Variants in C8orf34 observed in about 807,000 individuals in gnomAD.
The protein encoded by C8orf34 is chromosome 8 open reading frame 34.
C8orf34 carries 65 observed loss-of-function variants against 68.3 expected under a neutral mutation model. The ratio of observed to expected loss-of-function variants is 0.95; its 90% CI spans 0.78 to 1.17. C8orf34 has a LOEUF of 1.17. C8orf34 is among the 50% of genes most tolerant of loss of function. The pLI is 0.00. For synonymous variants in C8orf34, 244 were observed against 241.2 expected (o/e 1.01, Z -0.11); for missense variants, 664 against 655.4 (o/e 1.01, Z -0.14).
chr8:68,534,135 C>A (rs1815366009), intron 7 of C8orf34: 1 of 984,556 alleles, frequency 1.0e-6, no homozygotes, highest in African/African-American at 1.7e-5. Flanking sequence ...TATTGCTTAT[C>A]ATTTTTGCAT....
chr8:68,473,548 C>T (rs1386196510), intron 4 of C8orf34, among the ~76,000 whole-genome samples: 1 of 152,156 alleles, frequency 6.6e-6, no homozygotes, highest in African/African-American at 2.4e-5. Flanking sequence ...ATGCAAGCTT[C>T]CAGGTTGCTT....
At chr8:68,376,147 G>A (rs1807783967) in intron 1 of C8orf34, among the ~76,000 whole-genome samples, 1 of 143,408 alleles carries the variant, frequency 7.0e-6, no homozygotes, top group South Asian at 2.1e-4. Context: ...TATGAGTGAA[G>A]GAAGGAATAA....
Position 68,548,791 on chromosome 8 carries a change from T to C in C8orf34, c.1105+15642T>C, listed in dbSNP as rs187356945. 6.7e-4 allele frequency among the ~76,000 whole-genome samples: 102 copies of C among 151,924 alleles called. 1 individual carries two copies. The highest frequency in any genetic ancestry group is 3.8e-3 in the Admixed American group (58 of 15,226). ...ACAAATGTCAATCATCAGGAGAATATGTAAACAAATTGTTGTATATTCATA... is the reference window on the plus strand; with the variant it reads ...ACAAATGTCAATCATCAGGAGAATACGTAAACAAATTGTTGTATATTCATA... On this transcript the variant is annotated intron_variant, in intron 7 of 13. Transcript: ENST00000518698.
intron 8 of C8orf34, among the ~76,000 whole-genome samples, chr8:68,667,515 A>G (rs1192969216): frequency 6.6e-6 from 1 of 152,192 alleles, no homozygotes; most frequent in African/African-American, 2.4e-5. Context: ...AAATTCAATC[A>G]ATATTTTTTG....
rs555284319 is a variant in C8orf34 at position 68,414,114 on chromosome 8, A to G, written c.328-25385A>G. Among the ~76,000 whole-genome samples the G allele has an allele frequency of 2.0e-5, 3 of 152,262 alleles. No individual in the cohort carries two copies. The East Asian group carries it at 5.8e-4, about 29-fold the overall frequency. On this transcript the variant is annotated intron_variant, in intron 1 of 13. Transcript: ENST00000518698. ...TTTTTACCTTGAGGCCTCAGATTAA[A>G]TATCACCCCCTCAGAGATGCTATCT...
Position 68,596,746 on chromosome 8 carries a change from G to A in C8orf34, c.1106-43630G>A, listed in dbSNP as rs145688526. ...AAACCTGCACAACTTTTGTCATGGAGGTAGACATTATCTCCAAACAATCCT... is the reference window on the plus strand; with the variant it reads ...AAACCTGCACAACTTTTGTCATGGAAGTAGACATTATCTCCAAACAATCCT... On this transcript the variant is annotated intron_variant, in intron 7 of 13. Coordinates refer to ENST00000518698, the MANE Select transcript of C8orf34 (RefSeq NM_052958.4). Among the ~76,000 whole-genome samples, 544 of 152,178 alleles carry A rather than the reference G, an allele frequency of 3.6e-3. 4 individuals are homozygous for A. The highest frequency in any genetic ancestry group is 0.012 in the African/African-American group (516 of 41,550).
intron 6 of C8orf34, among the ~76,000 whole-genome samples, chr8:68,522,343 C>T (rs62523161): frequency 0.013 from 1,908 of 152,146 alleles, 28 homozygotes; most frequent in Non-Finnish European, 0.022. Context: ...TATTGTTAAT[C>T]ATCAGGGATA....
intron 7 of C8orf34, among the ~76,000 whole-genome samples, chr8:68,568,383 TG>T (rs1197478540): frequency 6.6e-6 from 1 of 152,172 alleles, no homozygotes; most frequent in Non-Finnish European, 1.5e-5. Flanking sequence ...CTTTTGCAAG[TG>T]AGAGACTTGC....
intron 7 of C8orf34, among the ~76,000 whole-genome samples, chr8:68,543,725 A>G (rs1425641165): frequency 1.3e-5 from 2 of 152,216 alleles, no homozygotes; most frequent in Non-Finnish European, 2.9e-5. Flanking sequence ...TTATATTTAC[A>G]TGAGTATATA....
At chr8:68,542,011 T>G (rs1815719170) in intron 7 of C8orf34, among the ~76,000 whole-genome samples, 1 of 152,184 alleles carries the variant, frequency 6.6e-6, no homozygotes, top group Non-Finnish European at 1.5e-5. Flanking sequence ...ATTAGGTGGG[T>G]GCAAAAGAAA....
At chr8:68,379,645 A>T (rs1187305398) in intron 1 of C8orf34, among the ~76,000 whole-genome samples, 1 of 151,994 alleles carries the variant, frequency 6.6e-6, no homozygotes, top group Admixed American at 6.6e-5. Flanking sequence ...TTGCAATATT[A>T]TCTCATTCCT....
Position 68,816,045 on chromosome 8 carries a change from C to T in C8orf34, c.1609+100C>T, listed in dbSNP as rs1473979045. The T allele has an allele frequency of 4.4e-6, 7 of 1,577,360 alleles. No individual in the cohort carries two copies. In the Admixed American group the frequency reaches 8.7e-5, roughly 20 times the overall value. ...TTAAAAAAGTACGTAGTCCTCATGA[C>T]CTCTAATGAGAATAGGTTTTTCTCC... On this transcript the variant is annotated intron_variant, in intron 13 of 13. Coordinates refer to ENST00000518698, the MANE Select transcript of C8orf34 (RefSeq NM_052958.4).
At chr8:68,516,722 C>G (rs908370567) in intron 5 of C8orf34, among the ~76,000 whole-genome samples, 5 of 151,974 alleles carry the variant, frequency 3.3e-5, no homozygotes, top group African/African-American at 1.2e-4. Context: ...CTCATTGCAA[C>G]CTCCTCCTCC....
intron 6 of C8orf34, among the ~76,000 whole-genome samples, chr8:68,527,942 T>C (rs935134975): frequency 1.3e-5 from 2 of 152,108 alleles, no homozygotes; most frequent in African/African-American, 4.8e-5. Flanking sequence ...GTGTCATCCT[T>C]TATCGTCTGC....
At chr8:68,727,961 T>C (rs1341852717) in intron 10 of C8orf34, among the ~76,000 whole-genome samples, 8 of 152,234 alleles carry the variant, frequency 5.3e-5, no homozygotes, top group Non-Finnish European at 1.0e-4. Flanking sequence ...TTGCTACTTA[T>C]GCAAATTTCT....
intron 1 of C8orf34, among the ~76,000 whole-genome samples, chr8:68,336,263 A>G (rs1805847240): frequency 6.6e-6 from 1 of 152,104 alleles, no homozygotes; most frequent in East Asian, 1.9e-4. Context: ...GCTAAGACCC[A>G]TATGACAAGG....
At chr8:68,512,591 A>C (rs564048352) in intron 5 of C8orf34, among the ~76,000 whole-genome samples, 1 of 152,192 alleles carries the variant, frequency 6.6e-6, no homozygotes, top group East Asian at 1.9e-4. Context: ...ATAAGTAAAA[A>C]CCTTTTATAA....
intron 5 of C8orf34, among the ~76,000 whole-genome samples, chr8:68,520,798 T>C (rs1186583540): frequency 6.6e-6 from 1 of 152,148 alleles, no homozygotes; most frequent in Non-Finnish European, 1.5e-5. Flanking sequence ...TTCAAGACTA[T>C]TGTAATAGTA....
chr8:68,487,711 A>G (rs1183892871), intron 4 of C8orf34, among the ~76,000 whole-genome samples: 1 of 152,240 alleles, frequency 6.6e-6, no homozygotes, highest in Non-Finnish European at 1.5e-5. Flanking sequence ...ATCATAACAT[A>G]AAAATGATAT....
Sources: gnomAD v4.1 joint callset for allele counts (sites outside exome capture counted in the v4.1 genomes callset) on GRCh38, gnomAD v4.1.1 for gene constraint, MANE v1.5 for transcripts, NCBI Gene and HGNC (gene_info 2026-07-23, HGNC 2026-07-21) for gene names.